Variants in SEMA3A observed in about 807,000 individuals in gnomAD.
SEMA3A encodes the protein semaphorin 3A.
In SEMA3A, 29 loss-of-function variants were observed where a neutral mutation model predicts 97.9. That is an observed-to-expected ratio of 0.30 (90% CI 0.22 to 0.40). SEMA3A has a LOEUF of 0.40. Ranked by LOEUF, SEMA3A falls within the 10% of genes least tolerant of loss-of-function variation. The pLI, the probability that SEMA3A is intolerant of heterozygous loss-of-function variation, is 1.00. For synonymous variants in SEMA3A, 321 were observed against 323.7 expected (o/e 0.99, Z 0.09); for missense variants, 763 against 951.3 (o/e 0.80, Z 2.60).
intron 1 of SEMA3A, among the ~76,000 whole-genome samples, chr7:84,144,085 C>T (rs949917975): frequency 1.3e-5 from 2 of 151,680 alleles, no homozygotes; most frequent in African/African-American, 2.4e-5. Flanking sequence ...GAATACCAGA[C>T]TATCCCACAG....
intron 3 of SEMA3A, among the ~76,000 whole-genome samples, chr7:84,113,752 T>TGAAC (rs1329347635): frequency 1.3e-5 from 2 of 152,134 alleles, no homozygotes; most frequent in African/African-American, 4.8e-5. Flanking sequence ...ATTGACCTCT[T>TGAAC]ATTTTACTGA....
chr7:84,391,372 C>T (rs986393870), intron 1 of SEMA3A, among the ~76,000 whole-genome samples: 27 of 152,116 alleles, frequency 1.8e-4, no homozygotes, highest in Non-Finnish European at 1.9e-4. Context: ...GTGGAAATCC[C>T]TGAGCCTCCA....
chr7:84,381,433 G>T (rs1440848240), intron 1 of SEMA3A, among the ~76,000 whole-genome samples: 6 of 152,070 alleles, frequency 3.9e-5, no homozygotes, highest in Non-Finnish European at 7.4e-5. Context: ...CTCTTGTTTT[G>T]TCCCCAGTCA....
At chr7:84,086,434 T>A (rs904081024) in intron 4 of SEMA3A, among the ~76,000 whole-genome samples, 6 of 143,068 alleles carry the variant, frequency 4.2e-5, no homozygotes, top group African/African-American at 1.6e-4. Context: ...TCATATTATA[T>A]TTATATTTTA....
intron 4 of SEMA3A, among the ~76,000 whole-genome samples, chr7:84,084,780 T>C (rs1433753143): frequency 6.6e-6 from 1 of 152,130 alleles, no homozygotes; most frequent in Non-Finnish European, 1.5e-5. Flanking sequence ...GCTTCTTATT[T>C]TGTGGTTTTA....
At chr7:83,979,471 T>A (rs1357081226) in intron 14 of SEMA3A, among the ~76,000 whole-genome samples, 1 of 152,058 alleles carries the variant, frequency 6.6e-6, no homozygotes, top group Non-Finnish European at 1.5e-5. Flanking sequence ...CCACCTAGAG[T>A]TAAATGTTTT....
chr7:83,983,233 CTTTCT>C (rs1789497923), intron 13 of SEMA3A, among the ~76,000 whole-genome samples: 1 of 150,600 alleles, frequency 6.6e-6, no homozygotes, highest in African/African-American at 2.4e-5. Context: ...TTCTTTCTTT[CTTTCT>C]TTTCTTTCTC....
intron 2 of SEMA3A, among the ~76,000 whole-genome samples, chr7:84,328,390 C>T (rs1424634718): frequency 6.6e-6 from 1 of 151,800 alleles, no homozygotes; most frequent in East Asian, 1.9e-4. Flanking sequence ...ACGTTCAGTT[C>T]TTGAAAGAAA....
chr7:84,161,713 G>A lies in SEMA3A; in HGVS notation c.113-26762C>T, dbSNP rs545715389. On this transcript the variant is annotated intron_variant, in intron 1 of 16. Coordinates refer to ENST00000265362, the MANE Select transcript of SEMA3A (RefSeq NM_006080.3). ...TTGGAACTGGTACAGAGCAGACACAGGAGGGGGTCACTCATATATAAAAAT... is the reference window on the plus strand; with the variant it reads ...TTGGAACTGGTACAGAGCAGACACAAGAGGGGGTCACTCATATATAAAAAT... Among the ~76,000 whole-genome samples the A allele has an allele frequency of 2.6e-5, 4 of 152,262 alleles. No individual in the cohort carries two copies. The East Asian group carries it at 7.7e-4, about 29-fold the overall frequency.
chr7:83,969,705 T>C (rs532751885), intron 15 of SEMA3A, among the ~76,000 whole-genome samples: 2 of 152,326 alleles, frequency 1.3e-5, no homozygotes, highest in African/African-American at 4.8e-5. Context: ...GCATTTCAAA[T>C]ATTCTAAATT....
At chr7:84,181,367 T>TC (rs1159734229) in intron 1 of SEMA3A, among the ~76,000 whole-genome samples, 1 of 150,062 alleles carries the variant, frequency 6.7e-6, no homozygotes, top group Non-Finnish European at 1.5e-5. Flanking sequence ...GTAGAAAGAC[T>TC]ATATAACAGG....
chr7:84,401,056 G>T (rs1453943091), intron 1 of SEMA3A, among the ~76,000 whole-genome samples: 1 of 152,112 alleles, frequency 6.6e-6, no homozygotes, highest in East Asian at 1.9e-4. Context: ...AAGGGCATTA[G>T]AAATTAGGAA....
At chr7:84,240,482 G>T (rs1414353179) in intron 3 of SEMA3A, among the ~76,000 whole-genome samples, 1 of 152,136 alleles carries the variant, frequency 6.6e-6, no homozygotes, top group African/African-American at 2.4e-5. Context: ...TAGAAAGAAA[G>T]ATTTGAAGAT....
chr7:84,424,963 A>AT (rs1804751779), intron 1 of SEMA3A, among the ~76,000 whole-genome samples: 1 of 102,336 alleles, frequency 9.8e-6, no homozygotes, highest in African/African-American at 4.1e-5. Context: ...TTATATATAT[A>AT]ATTTATATAT....
At chr7:84,297,247 G>T (rs1800895578) in intron 3 of SEMA3A, among the ~76,000 whole-genome samples, 1 of 152,138 alleles carries the variant, frequency 6.6e-6, no homozygotes, top group Non-Finnish European at 1.5e-5. Flanking sequence ...AAAGTTCTGG[G>T]ATTACAGGTG....
intron 3 of SEMA3A, among the ~76,000 whole-genome samples, chr7:84,214,670 C>T (rs1187375791): frequency 2.6e-5 from 4 of 151,276 alleles, no homozygotes; most frequent in Non-Finnish European, 5.9e-5. Flanking sequence ...ATTGCTACAG[C>T]TCTTTCCTGT....
chr7:83,977,249 G>C (rs1448115428), intron 14 of SEMA3A, 53 bp from the exon 15 acceptor site: 5 of 1,039,810 alleles, frequency 4.8e-6, no homozygotes, highest in Non-Finnish European at 7.0e-6. Flanking sequence ...TTCCCTTCTA[G>C]GAATTTGTCA....
At chr7:84,069,222 T>C (rs549923036) in intron 4 of SEMA3A, among the ~76,000 whole-genome samples, 8 of 152,138 alleles carry the variant, frequency 5.3e-5, no homozygotes, top group Non-Finnish European at 7.4e-5. Flanking sequence ...CGGGCAGAAC[T>C]GGGTGTTATC....
At chr7:84,482,143 C>T (rs548787001) in intron 1 of SEMA3A, among the ~76,000 whole-genome samples, 2 of 150,684 alleles carry the variant, frequency 1.3e-5, no homozygotes, top group Admixed American at 1.3e-4. Flanking sequence ...AACTTCTCAT[C>T]GTATAAGTTA....
Sources: allele counts gnomAD v4.1 joint callset (sites outside exome capture counted in the v4.1 genomes callset), GRCh38; gene constraint gnomAD v4.1.1; transcripts MANE v1.5; gene names NCBI Gene and HGNC (gene_info 2026-07-23, HGNC 2026-07-21).